Variants in ADAM22 observed in about 807,000 individuals in gnomAD.
ADAM22 encodes the protein ADAM metallopeptidase domain 22.
In ADAM22, 65 loss-of-function variants were observed where a neutral mutation model predicts 144.6. The ratio of observed to expected loss-of-function variants is 0.45; its 90% confidence interval spans 0.37 to 0.55. The LOEUF is 0.55. Ranked by LOEUF, ADAM22 falls within the 20% of genes least tolerant of loss-of-function variation. The probability of loss-of-function intolerance (pLI) is 0.00; values close to 1 mark genes in which losing one functional copy is unlikely to be tolerated. For synonymous variants in ADAM22, 391 were observed against 412.6 expected, an observed-to-expected ratio of 0.95 and a Z score of 0.63; for missense variants, 974 against 1,184.9, an observed-to-expected ratio of 0.82 and a Z score of 2.61.
intron 5 of ADAM22, among the ~76,000 whole-genome samples, chr7:88,112,769 A>G (rs1826388472): frequency 6.6e-6 from 1 of 152,328 alleles, no homozygotes; most frequent in Middle Eastern, 3.4e-3. Context: ...GTACAGTGGC[A>G]CAATCATCAA....
At chr7:88,073,543 G>A (rs995197057) in intron 3 of ADAM22, among the ~76,000 whole-genome samples, 2 of 152,180 alleles carry the variant, frequency 1.3e-5, no homozygotes, top group Non-Finnish European at 2.9e-5. Context: ...TATCCTAGAG[G>A]TGAGGGAACC....
chr7:87,966,720 C>CCTTTT (rs1562873898), intron 2 of ADAM22, among the ~76,000 whole-genome samples: 1 of 30,172 alleles, frequency 3.3e-5, no homozygotes, highest in Non-Finnish European at 6.1e-5. Flanking sequence ...CAAGGAAAGC[C>CCTTTT]GTTTTTTTTT....
intron 5 of ADAM22, among the ~76,000 whole-genome samples, 173 bp downstream of exon 5, chr7:88,108,431 A>G (rs932582032): frequency 3.3e-5 from 5 of 151,990 alleles, no homozygotes; most frequent in African/African-American, 9.7e-5. Flanking sequence ...AGATTTTTAA[A>G]TTAGGGTTGC....
intron 3 of ADAM22, among the ~76,000 whole-genome samples, chr7:88,024,092 G>C (rs900585869): frequency 2.6e-5 from 4 of 152,030 alleles, no homozygotes; most frequent in Admixed American, 2.0e-4. Flanking sequence ...CCATTCATCT[G>C]TGGTTGGACA....
intron 3 of ADAM22, among the ~76,000 whole-genome samples, chr7:88,072,289 C>T (rs1813041668): frequency 6.6e-6 from 1 of 152,128 alleles, no homozygotes; most frequent in Non-Finnish European, 1.5e-5. Context: ...TACATTCGTG[C>T]AGTGACTCAT....
intron 3 of ADAM22, among the ~76,000 whole-genome samples, chr7:88,046,880 C>G (rs1233526632): frequency 6.6e-6 from 1 of 151,434 alleles, no homozygotes; most frequent in East Asian, 1.9e-4. Context: ...TTTGTTGATA[C>G]AATATAAAAT....
chr7:88,066,011 A>G (rs538525397), intron 3 of ADAM22, among the ~76,000 whole-genome samples: 1 of 152,284 alleles, frequency 6.6e-6, no homozygotes, highest in South Asian at 2.1e-4. Flanking sequence ...CTTAGGTACA[A>G]AGAATATTAG....
intron 2 of ADAM22, among the ~76,000 whole-genome samples, chr7:87,944,728 A>G (rs1358336181): frequency 6.6e-5 from 10 of 152,042 alleles, no homozygotes; most frequent in Non-Finnish European, 1.5e-4. Flanking sequence ...GCTCAACTAG[A>G]AAGAGCTACC....
chr7:87,993,874 A>T (rs1248854183), intron 3 of ADAM22, among the ~76,000 whole-genome samples: 1 of 152,206 alleles, frequency 6.6e-6, no homozygotes, highest in African/African-American at 2.4e-5. Context: ...TGAAAAAGCA[A>T]TATATACACA....
At chr7:88,192,046 A>G (rs2129540844) in intron 30 of ADAM22, among the ~76,000 whole-genome samples, 1 of 152,344 alleles carries the variant, frequency 6.6e-6, no homozygotes, top group East Asian at 1.9e-4. Context: ...TATGCTATTG[A>G]ATGCAGTGTA....
intron 2 of ADAM22, among the ~76,000 whole-genome samples, chr7:87,971,459 T>A (rs187306365): frequency 1.8e-4 from 27 of 152,302 alleles, no homozygotes; most frequent in Non-Finnish European, 2.4e-4. Context: ...AGTTATATAC[T>A]AAGGATCTTG....
At position 88,108,217 on chromosome 7, in the gene ADAM22, C is replaced by A. The variant is rs1451975685; in HGVS notation, c.432C>A (p.Asn144Lys). 7 of 1,613,708 alleles carry A rather than the reference C, an allele frequency of 4.3e-6. No homozygotes were observed. In the East Asian group the frequency reaches 1.3e-4, roughly 31 times the overall value. ...ACTACCAGGGCCATATCCGAGGAAACCCTGACTCATTTGTTGCATTGTCAA... is the reference window on the plus strand; with the variant it reads ...ACTACCAGGGCCATATCCGAGGAAAACCTGACTCATTTGTTGCATTGTCAA... Reference protein sequence around the residue: ...HCYYQGHIRGNPDSFVALSTC... With the variant: ...HCYYQGHIRGKPDSFVALSTC... Residue 144 changes from asparagine (N) to lysine (K), a missense_variant, in exon 5 of 32, where the codon AAC (asparagine) becomes AAA (lysine). Physicochemically the swap from Asn to Lys is moderately conservative, Grantham distance 94. This residue lies in a region of ADAM22 where 240 missense variants were observed against 234.3 expected (regional missense o/e 1.02). Coordinates refer to ENST00000413139, the MANE Select transcript of ADAM22 (RefSeq NM_001324418.2).
At chr7:88,023,092 T>C (rs1798181126) in intron 3 of ADAM22, among the ~76,000 whole-genome samples, 1 of 152,216 alleles carries the variant, frequency 6.6e-6, no homozygotes, top group South Asian at 2.1e-4. Context: ...TTACTGATTT[T>C]TGTTTTCTGG....
intron 4 of ADAM22, among the ~76,000 whole-genome samples, chr7:88,081,054 T>C (rs182879902): frequency 6.6e-6 from 1 of 152,144 alleles, no homozygotes; most frequent in East Asian, 1.9e-4. Flanking sequence ...GAATTTTAGA[T>C]CAATAACCTT....
At chr7:87,935,467 A>G (rs780962516) in intron 2 of ADAM22, among the ~76,000 whole-genome samples, 3 of 152,196 alleles carry the variant, frequency 2.0e-5, no homozygotes, top group Non-Finnish European at 2.9e-5. Context: ...GCCCTCTGAC[A>G]TCTGTCAAGC....
chr7:88,162,264 A>C (rs1006797358), intron 22 of ADAM22, among the ~76,000 whole-genome samples: 2 of 152,076 alleles, frequency 1.3e-5, no homozygotes, highest in Admixed American at 6.6e-5. Context: ...GTTCTCACTT[A>C]TAAGTGGGAG....
At chr7:88,095,777 A>G (rs868511597) in intron 4 of ADAM22, among the ~76,000 whole-genome samples, 3 of 152,188 alleles carry the variant, frequency 2.0e-5, no homozygotes, top group Admixed American at 6.6e-5. Flanking sequence ...GTGTTTTGCT[A>G]TATTAGCTTT....
chr7:88,007,163 A>T (rs1794121764), intron 3 of ADAM22, among the ~76,000 whole-genome samples: 1 of 152,224 alleles, frequency 6.6e-6, no homozygotes, highest in Non-Finnish European at 1.5e-5. Flanking sequence ...TTCAAAGAGA[A>T]TGAGATACTT....
chr7:88,142,426 T>C (rs1036301263), intron 14 of ADAM22, among the ~76,000 whole-genome samples: 6 of 152,206 alleles, frequency 3.9e-5, no homozygotes, highest in Non-Finnish European at 8.8e-5. Context: ...AGTTTTAATA[T>C]TTAGGGAAGA....
Sources: allele counts gnomAD v4.1 joint callset (sites outside exome capture counted in the v4.1 genomes callset), GRCh38; gene constraint gnomAD v4.1.1; regional missense constraint gnomAD v4.1.1; transcripts MANE v1.5; gene names NCBI Gene and HGNC (gene_info 2026-07-23, HGNC 2026-07-21).